Variants in RABL6 observed in about 807,000 individuals in gnomAD.
RABL6 encodes rab-like protein 6.
RABL6 carries 28 observed loss-of-function variants against 72.9 expected under a neutral mutation model. That is an observed-to-expected ratio of 0.38 (90% CI 0.28 to 0.53). The LOEUF is 0.53. Ranked by LOEUF, RABL6 falls within the 20% of genes least tolerant of loss-of-function variation. The probability of loss-of-function intolerance (pLI) is 0.80; values close to 1 mark genes in which losing one functional copy is unlikely to be tolerated. For synonymous variants in RABL6, 477 were observed against 421.2 expected, an observed-to-expected ratio of 1.13 and a Z score of -1.62; for missense variants, 1,029 against 1,008.4, an observed-to-expected ratio of 1.02 and a Z score of -0.28.
At chr9:136,824,333 T>G (rs1298929459) in intron 2 of RABL6, among the ~76,000 whole-genome samples, 4 of 139,810 alleles carry the variant, frequency 2.9e-5, no homozygotes, top group African/African-American at 1.1e-4. Context: ...TGGGTTTTTT[T>G]TTTTTTTTTT....
chr9:136,833,738 C>T, intron 7 of RABL6: 10 of 1,550,450 alleles, frequency 6.4e-6, no homozygotes, highest in Non-Finnish European at 8.7e-6. Context: ...CAGGCTTGCC[C>T]AGGAAAGGGG....
At chr9:136,839,636 A>T in intron 12 of RABL6, 58 bp from the exon 13 acceptor site, 2 of 1,546,484 alleles carry the variant, frequency 1.3e-6, no homozygotes, top group Non-Finnish European at 1.7e-6. Context: ...TTGAGATCCC[A>T]CAACCCCTGG....
chr9:136,835,102 TAA>T (rs1292103258), intron 7 of RABL6: 3 of 151,860 alleles, frequency 2.0e-5, no homozygotes, highest in African/African-American at 7.3e-5. Context: ...CATCTCTATT[TAA>T]AAAAAGAGAA....
chr9:136,822,966 T>C (rs746478575), intron 1 of RABL6, among the ~76,000 whole-genome samples: 1 of 151,864 alleles, frequency 6.6e-6, no homozygotes, highest in Non-Finnish European at 1.5e-5. Context: ...CGGGCGCCTG[T>C]AGTCCCAGCT....
At chr9:136,812,552 T>C (rs910058481) in intron 1 of RABL6, among the ~76,000 whole-genome samples, 1 of 151,674 alleles carries the variant, frequency 6.6e-6, no homozygotes, top group Non-Finnish European at 1.5e-5. Context: ...GAGTGAGACT[T>C]CGTCTTAAAA....
chr9:136,814,244 G>C (rs915747679), intron 1 of RABL6: 7 of 207,918 alleles, frequency 3.4e-5, no homozygotes, highest in African/African-American at 1.7e-4. Context: ...AGGCTGGAGT[G>C]CAATGGTGCT....
At chr9:136,824,189 G>A (rs1848302188) in intron 2 of RABL6, among the ~76,000 whole-genome samples, 1 of 152,144 alleles carries the variant, frequency 6.6e-6, no homozygotes, top group African/African-American at 2.4e-5. Context: ...GCGGGAAGGT[G>A]GGGGAGGTGA....
At chr9:136,813,476 A>C (rs1848055313) in intron 1 of RABL6, 1 of 503,346 alleles carries the variant, frequency 2.0e-6, no homozygotes, top group South Asian at 2.2e-5. Flanking sequence ...AGTGCAGGGA[A>C]ATAGATCGGC....
chr9:136,835,547 G>GTAT, intron 7 of RABL6, 195 bp from the exon 8 acceptor site: 1 of 552,098 alleles, frequency 1.8e-6, no homozygotes, highest in South Asian at 2.5e-5. Flanking sequence ...GCCGGCCACC[G>GTAT]CAGAGGAATC....
chr9:136,840,020 G>A, intron 13 of RABL6, 134 bp from the exon 14 acceptor site: 2 of 1,480,698 alleles, frequency 1.4e-6, no homozygotes, highest in East Asian at 2.3e-5. Context: ...TGTTTGCAGT[G>A]TGGTCCTGTC....
chr9:136,815,163 C>T, intron 1 of RABL6: 1 of 327,806 alleles, frequency 3.1e-6, no homozygotes, highest in Non-Finnish European at 5.9e-6. Context: ...TCGCTGTCTT[C>T]CTTCTTGGCG....
At position 136,839,020 on chromosome 9, in the gene RABL6, T is replaced by C. The variant is rs1848635514; in HGVS notation, c.1392T>C (p.Ser464=). 6 of 1,612,324 alleles carry C rather than the reference T, an allele frequency of 3.7e-6. No homozygotes were observed. Among genetic ancestry groups the C allele is most frequent in the Non-Finnish European group, 5.1e-6 (6 of 1,179,710 alleles). Residue 464 remains serine (S), a synonymous_variant, in exon 11 of 15, where the codon AGT becomes AGC. Transcript: ENST00000311502. The part of the protein sequence containing the change: ...SPPLPAGPVP[S]QDITLSSEEE... ...CGCTGCCTGCAGGCCCCGTCCCCAG[T>C]CAAGACATCACTCTTTCGAGTGAGG...
In RABL6 at chr9:136,808,239, C is replaced by T; in HGVS notation, c.43C>T (p.Pro15Ser). ...LKKLVGSDQAPGRDKNIPAGL... is the reference protein window; with the variant it reads ...LKKLVGSDQASGRDKNIPAGL... ...GAAGCTGGTGGGGTCGGACCAGGCC[C>T]CGGGCCGGGACAAGAACATCCCCGC... Residue 15 changes from proline (P) to serine (S), a missense_variant, in exon 1 of 15, where the codon CCG (proline) becomes TCG (serine). Physicochemically the swap from Pro to Ser is moderately conservative, Grantham distance 74. This residue lies in a region of RABL6 where 434 missense variants were observed against 536.1 expected (regional missense o/e 0.81). Coordinates refer to ENST00000311502, the MANE Select transcript of RABL6 (RefSeq NM_024718.5). The T allele has an allele frequency of 1.3e-6, 2 of 1,564,404 alleles. No individual in the cohort carries two copies. Among genetic ancestry groups the T allele is most frequent in the Non-Finnish European group, 1.7e-6 (2 of 1,157,084 alleles).
chr9:136,833,362 C>T, intron 7 of RABL6: 1 of 367,244 alleles, frequency 2.7e-6, no homozygotes, highest in South Asian at 2.0e-5. Context: ...CCGCCTGGGT[C>T]TGGGGGACCT....
At chr9:136,832,464 G>A in intron 7 of RABL6, 94 bp downstream of exon 7, 1 of 1,051,042 alleles carries the variant, frequency 9.5e-7, no homozygotes. Flanking sequence ...CCTAACCCCT[G>A]AGAAAGCTGT....
intron 1 of RABL6, chr9:136,822,065 A>T (rs1432486690): frequency 8.5e-6 from 11 of 1,289,080 alleles, no homozygotes; most frequent in East Asian, 5.6e-5. Flanking sequence ...AGGTGCCTTG[A>T]GGTAGAGGGA....
At chr9:136,829,776 A>T (rs1171763921) in intron 5 of RABL6, among the ~76,000 whole-genome samples, 2 of 152,246 alleles carry the variant, frequency 1.3e-5, no homozygotes, top group African/African-American at 4.8e-5. Flanking sequence ...AACCCATCTG[A>T]GACTTGGCGG....
At chr9:136,837,747 G>A (rs1414194468) in intron 9 of RABL6, 85 bp downstream of exon 9, 11 of 1,543,032 alleles carry the variant, frequency 7.1e-6, no homozygotes, top group African/African-American at 6.9e-5. Flanking sequence ...AGCGCTCCAC[G>A]CTTCTTCCTG....
At position 136,808,227 on chromosome 9, in the gene RABL6, T is replaced by C. The variant is rs778953635; in HGVS notation, c.31T>C (p.Ser11Pro). MFSALKKLVG[S>P]DQAPGRDKNI... The stretch of plus-strand genomic sequence containing the variant: ...TTCCGCCCTGAAGAAGCTGGTGGGG[T>C]CGGACCAGGCCCCGGGCCGGGACAA... Residue 11 changes from serine (S) to proline (P), a missense_variant, in exon 1 of 15, where the codon TCG (serine) becomes CCG (proline). Coordinates refer to ENST00000311502, the MANE Select transcript of RABL6 (RefSeq NM_024718.5). 6.4e-7 allele frequency: 1 copy of C among 1,556,516 alleles called. No homozygotes were observed. Among genetic ancestry groups the C allele is most frequent in the Non-Finnish European group, 8.7e-7 (1 of 1,153,620 alleles).
Sources: gnomAD v4.1 joint callset for allele counts (sites outside exome capture counted in the v4.1 genomes callset) on GRCh38, gnomAD v4.1.1 for gene constraint, gnomAD v4.1.1 regional missense constraint, MANE v1.5 for transcripts, NCBI Gene and HGNC (gene_info 2026-07-23, HGNC 2026-07-21) for gene names.